The following UPP2 variants were observed in gnomAD, a reference collection of about 807,000 sequenced individuals.
The protein encoded by UPP2 is uridine phosphorylase 2.
UPP2 carries 23 observed loss-of-function variants against 26.7 expected under a neutral mutation model. The observed-to-expected ratio is 0.86, with a 90% CI of 0.62 to 1.22. UPP2 has a LOEUF of 1.22. Among genes scored for constraint, UPP2 ranks in the 50% most tolerant of loss-of-function variants. The pLI is 0.00. For synonymous variants in UPP2, 127 were observed against 141.3 expected (o/e 0.90, Z 0.72); for missense variants, 387 against 396.7 (o/e 0.98, Z 0.21).
upstream of UPP2, among the ~76,000 whole-genome samples, chr2:158,097,889 CTTTT>C (rs1414469580): frequency 1.3e-5 from 2 of 152,134 alleles, no homozygotes; most frequent in African/African-American, 4.8e-5. Flanking sequence ...ATACTAATCT[CTTTT>C]TTTCTTTTCT....
intron 3 of UPP2, among the ~76,000 whole-genome samples, chr2:158,036,813 A>C (rs532952831): frequency 6.6e-6 from 1 of 152,320 alleles, no homozygotes; most frequent in East Asian, 1.9e-4. Flanking sequence ...TGAACAGTTG[A>C]AAGGGGGCAC....
intron 3 of UPP2, among the ~76,000 whole-genome samples, chr2:158,058,018 C>T (rs954722078): frequency 1.6e-4 from 24 of 152,048 alleles, no homozygotes; most frequent in African/African-American, 2.9e-4. Context: ...AGGGCCTGGG[C>T]GCAGTGGCTC....
At chr2:158,099,688 C>T (rs187911476), upstream of UPP2, among the ~76,000 whole-genome samples, 527 of 152,236 alleles carry the variant, frequency 3.5e-3, 5 homozygotes, top group African/African-American at 0.012. Flanking sequence ...AAATGCTATC[C>T]AGTTGTACAT....
intron 3 of UPP2, among the ~76,000 whole-genome samples, chr2:158,021,568 T>C (rs942172989): frequency 1.3e-5 from 2 of 152,262 alleles, no homozygotes; most frequent in Admixed American, 6.5e-5. Flanking sequence ...CAAAGCTAGT[T>C]GATATTTGCC....
intron 3 of UPP2, among the ~76,000 whole-genome samples, chr2:158,092,751 A>C (rs898819060): frequency 2.0e-5 from 3 of 152,252 alleles, no homozygotes; most frequent in Admixed American, 2.0e-4. Context: ...CCAAAATGTG[A>C]AGTAGTAATT....
At chr2:158,025,672 G>A (rs933207340) in intron 3 of UPP2, among the ~76,000 whole-genome samples, 2 of 152,230 alleles carry the variant, frequency 1.3e-5, no homozygotes, top group Non-Finnish European at 2.9e-5. Context: ...TATAGCAATG[G>A]CATCAGACCA....
intron 2 of UPP2, among the ~76,000 whole-genome samples, chr2:158,009,135 TG>T (rs1683538340): frequency 6.6e-6 from 1 of 152,206 alleles, no homozygotes; most frequent in Non-Finnish European, 1.5e-5. Context: ...CCTTTAATTT[TG>T]GATTTAATTA....
chr2:158,115,060 C>A (rs763011582), intron 2 of UPP2, 41 bp from the exon 3 acceptor site: 2 of 1,536,058 alleles, frequency 1.3e-6, no homozygotes, highest in South Asian at 2.5e-5. Flanking sequence ...TGGTTCTTAT[C>A]CCAGTTACTA....
At chr2:158,028,216 G>A (rs1343228427) in intron 3 of UPP2, among the ~76,000 whole-genome samples, 1 of 152,140 alleles carries the variant, frequency 6.6e-6, no homozygotes, top group Non-Finnish European at 1.5e-5. Context: ...AAACTTTTAT[G>A]CTCTGCTTCC....
chr2:158,003,831 A>C (rs1683446594), intron 2 of UPP2, among the ~76,000 whole-genome samples: 2 of 152,172 alleles, frequency 1.3e-5, no homozygotes, highest in South Asian at 4.1e-4. Context: ...ATACAGATGT[A>C]AAATGTACAC....
At position 158,117,904 on chromosome 2, in the gene UPP2, C is replaced by G; in HGVS notation, c.420C>G (p.Val140=). The change falls in exon 4 of 7, where the codon GTC becomes GTG. Residue 140 remains valine, a synonymous_variant. Coordinates refer to ENST00000005756, the MANE Select transcript of UPP2 (RefSeq NM_173355.4). ...TCCACCATGCACGGTGCTGCGATGT[C>G]ACCATTATTAGAATCGGTACATCAG... ...KLLHHARCCD[V]TIIRIGTSGG... is the part of the protein sequence containing the mutation. The G allele has an allele frequency of 6.2e-7, 1 of 1,612,686 alleles. No individual in the cohort carries two copies. The highest frequency in any genetic ancestry group is 8.5e-7 in the Non-Finnish European group (1 of 1,178,750).
Position 158,135,752 on chromosome 2 carries a change from C to T in UPP2, c.*862C>T, listed in dbSNP as rs921263506. 4.6e-5 allele frequency: 7 copies of T among 152,176 alleles called. No homozygotes were observed. The highest frequency in any genetic ancestry group is 2.1e-4 in the South Asian group (1 of 4,828). The allele number at this position is 152,176 out of a possible 1,614,324, so 9.4% of individuals were successfully genotyped here. A position where few individuals can be genotyped will look rare whatever the true frequency, so the allele number is the denominator to read the frequency against. On this transcript the variant is annotated 3_prime_UTR_variant, in exon 7 of 7. Coordinates refer to ENST00000005756, the MANE Select transcript of UPP2 (RefSeq NM_173355.4). ...GTCCAGACCGGCCTATTGCCCTACC[C>T]GTTTGATTCTCTGGGAGGCATGGTG...
chr2:158,054,472 G>C (rs1257945622), intron 3 of UPP2, among the ~76,000 whole-genome samples: 2 of 151,644 alleles, frequency 1.3e-5, no homozygotes, highest in East Asian at 3.9e-4. Context: ...TGTTCCCTTG[G>C]AGAATCATGG....
rs72121455 is a variant in UPP2 at position 158,023,232 on chromosome 2, G to GGGGA, written c.147+7349_147+7350insAGGG. On this transcript the variant is annotated intron_variant, in intron 3 of 9. Coordinates refer to the UPP2 transcript ENST00000605860. ...GAGGTCATGGGGTTGCTGTCAGTTG[G>GGGGA]GGGGGGGCATTTGGAAGGCTTTCAG... 2.0e-4 allele frequency among the ~76,000 whole-genome samples: 29 copies of GGGGA among 147,138 alleles called. 4 individuals carry two copies. In the East Asian group the frequency reaches 5.9e-3, roughly 30 times the overall value.
chr2:158,095,100 G>A (rs1360369273), intron 3 of UPP2, among the ~76,000 whole-genome samples: 1 of 152,216 alleles, frequency 6.6e-6, no homozygotes, highest in Non-Finnish European at 1.5e-5. Context: ...GGGGCAGACA[G>A]AAATTGCTCC....
In UPP2 at chr2:158,073,121, T is replaced by C. The variant is rs570318972; in HGVS notation, c.148-28919T>C. Among the ~76,000 whole-genome samples, 25 of 152,200 alleles carry C rather than the reference T, an allele frequency of 1.6e-4. No individual in the cohort carries two copies. In the South Asian group the frequency reaches 5.2e-3, roughly 32 times the overall value. On this transcript the variant is annotated intron_variant, in intron 3 of 9. Transcript: ENST00000605860. ...AATTCAGAATTCCATCAGATAAATT[T>C]AACAAAGAGATTGAACTAATTAAAA... is the stretch of plus-strand genomic sequence containing the variant.
intron 3 of UPP2, among the ~76,000 whole-genome samples, chr2:158,045,039 T>A (rs1241418069): frequency 6.6e-6 from 1 of 152,222 alleles, no homozygotes; most frequent in Non-Finnish European, 1.5e-5. Context: ...TTTTCCACCT[T>A]TCCACCTTTT....
At chr2:158,058,913 G>T (rs1205415021) in intron 3 of UPP2, among the ~76,000 whole-genome samples, 4 of 152,174 alleles carry the variant, frequency 2.6e-5, no homozygotes, top group Admixed American at 6.5e-5. Flanking sequence ...AAAAAGGCAG[G>T]CAGGGAATTG....
At chr2:158,110,037 G>T (rs538910235) in intron 2 of UPP2, among the ~76,000 whole-genome samples, 6 of 152,092 alleles carry the variant, frequency 3.9e-5, no homozygotes, top group Non-Finnish European at 8.8e-5. Flanking sequence ...TAAGTTCTAG[G>T]GTACATGTGC....
Sources: gnomAD v4.1 joint callset for allele counts (sites outside exome capture counted in the v4.1 genomes callset) on GRCh38, gnomAD v4.1.1 for gene constraint, MANE v1.5 for transcripts, NCBI Gene and HGNC (gene_info 2026-07-23, HGNC 2026-07-21) for gene names.